The following PHLDB2 variants were observed in gnomAD, a reference collection of about 807,000 sequenced individuals.
The protein encoded by PHLDB2 is pleckstrin homology like domain family B member 2.
Under a neutral mutation model 123.6 loss-of-function variants are expected in PHLDB2, and 71 were observed. That is an observed-to-expected ratio of 0.57 (90% CI 0.47 to 0.70). The LOEUF (loss-of-function observed/expected upper bound fraction) is 0.70. PHLDB2 is among the 30% of genes least tolerant of loss of function. The probability of loss-of-function intolerance (pLI) is 0.00; values close to 1 mark genes in which losing one functional copy is unlikely to be tolerated. For missense variants in PHLDB2, 1,446 were observed against 1,519.5 expected (o/e 0.95, Z 0.80); for synonymous variants, 547 against 541.6 (o/e 1.01, Z -0.14).
chr3:111,845,256 G>C (rs1055923748), intron 1 of PHLDB2, among the ~76,000 whole-genome samples: 1 of 150,858 alleles, frequency 6.6e-6, no homozygotes, highest in African/African-American at 2.4e-5. Flanking sequence ...TCAGGAGGCT[G>C]ACGCAGGAGA....
At chr3:111,955,199 C>A (rs1278446732) in intron 12 of PHLDB2, among the ~76,000 whole-genome samples, 1 of 147,720 alleles carries the variant, frequency 6.8e-6, no homozygotes, top group Non-Finnish European at 1.5e-5. Context: ...TTACTAAAGG[C>A]GATTTAAAAA....
intron 1 of PHLDB2, among the ~76,000 whole-genome samples, chr3:111,758,773 A>C (rs1488993116): frequency 6.6e-6 from 1 of 152,184 alleles, no homozygotes; most frequent in African/African-American, 2.4e-5. Context: ...TTTCAAGTGC[A>C]TCTATTTTGC....
At chr3:111,833,681 T>C (rs2063175296) in intron 1 of PHLDB2, among the ~76,000 whole-genome samples, 1 of 70,912 alleles carries the variant, frequency 1.4e-5, no homozygotes, top group African/African-American at 7.9e-5. Context: ...ATAATATATA[T>C]AATAGAATTA....
upstream of PHLDB2, among the ~76,000 whole-genome samples, chr3:111,857,354 A>G (rs2064557957): frequency 6.6e-6 from 1 of 151,328 alleles, no homozygotes; most frequent in Non-Finnish European, 1.5e-5. Flanking sequence ...AGGAGGCTGA[A>G]GTGGGAGGAT....
chr3:111,857,252 G>T (rs1336207210), upstream of PHLDB2, among the ~76,000 whole-genome samples: 2 of 152,080 alleles, frequency 1.3e-5, no homozygotes, highest in Non-Finnish European at 2.9e-5. Context: ...AGGAGTTCAA[G>T]AACAGTCTGG....
chr3:111,830,758 G>C (rs1405768632), intron 1 of PHLDB2, among the ~76,000 whole-genome samples: 4 of 117,522 alleles, frequency 3.4e-5, no homozygotes, highest in Admixed American at 3.3e-4. Context: ...GCAGTGAGCC[G>C]AGATCCCGCC....
At chr3:111,920,497 G>T (rs2068433382) in intron 5 of PHLDB2, 78 bp downstream of exon 5, 1 of 1,516,666 alleles carries the variant, frequency 6.6e-7, no homozygotes. Flanking sequence ...AATGTTGAAT[G>T]CATTACTGGG....
At chr3:111,753,364 C>T (rs2059819806) in intron 1 of PHLDB2, among the ~76,000 whole-genome samples, 1 of 150,798 alleles carries the variant, frequency 6.6e-6, no homozygotes, top group South Asian at 2.1e-4. Flanking sequence ...GATGGTATCT[C>T]ACTGTGGTTT....
At chr3:111,756,001 G>T (rs145430372) in intron 1 of PHLDB2, among the ~76,000 whole-genome samples, 6,891 of 151,730 alleles carry the variant, frequency 0.045, 533 homozygotes, top group African/African-American at 0.16. Flanking sequence ...GTTTGATTGC[G>T]CTGTGGTCTG....
At chr3:111,880,094 T>G (rs192239129) in intron 1 of PHLDB2, among the ~76,000 whole-genome samples, 6 of 151,798 alleles carry the variant, frequency 4.0e-5, no homozygotes, top group Non-Finnish European at 7.4e-5. Context: ...GACACAGTTT[T>G]CTCCAGCGGA....
At chr3:111,756,275 T>A (rs960126710) in intron 1 of PHLDB2, among the ~76,000 whole-genome samples, 8 of 151,720 alleles carry the variant, frequency 5.3e-5, no homozygotes, top group South Asian at 2.1e-4. Context: ...CCCATTATTA[T>A]TGTGTGGGAG....
At chr3:111,790,023 T>C (rs1031402397) in intron 1 of PHLDB2, among the ~76,000 whole-genome samples, 8 of 152,180 alleles carry the variant, frequency 5.3e-5, no homozygotes, top group Non-Finnish European at 1.2e-4. Flanking sequence ...CATGACTCCA[T>C]GGGCGTGAGG....
At chr3:111,775,928 C>G (rs2060260435) in intron 1 of PHLDB2, among the ~76,000 whole-genome samples, 2 of 152,160 alleles carry the variant, frequency 1.3e-5, no homozygotes, top group Non-Finnish European at 2.9e-5. Flanking sequence ...TGCTATAAAA[C>G]TGGCCCTGAA....
At chr3:111,822,675 T>C (rs151314410) in intron 1 of PHLDB2, among the ~76,000 whole-genome samples, 192 of 152,276 alleles carry the variant, frequency 1.3e-3, no homozygotes, top group African/African-American at 4.4e-3. Flanking sequence ...TTGCAGAAGA[T>C]AAAGCCTGAC....
intron 1 of PHLDB2, among the ~76,000 whole-genome samples, chr3:111,874,056 G>GT (rs2065477137): frequency 1.3e-5 from 2 of 152,198 alleles, no homozygotes; most frequent in Non-Finnish European, 2.9e-5. Flanking sequence ...GAGATAGGAT[G>GT]TTTGTTGGAT....
rs1410660173 is a variant in PHLDB2 at position 111,884,161 on chromosome 3, GAACGA to G, written c.85_89del (p.Asn29PhefsTer20). On this transcript the variant is annotated frameshift_variant, in exon 2 of 18. Coordinates refer to ENST00000431670, the MANE Select transcript of PHLDB2 (RefSeq NM_001134438.2). LOFTEE classifies it high-confidence loss of function. Reference sequence around the variant, plus strand: ...AAGACTCTGTGGTGCATTCTGTTGAGAACGATTCCCAAAACATGATGGAGAGCCTC... The same window carrying G: ...AAGACTCTGTGGTGCATTCTGTTGAGTTCCCAAAACATGATGGAGAGCCTC... 2 of 1,614,174 alleles carry G rather than the reference GAACGA, an allele frequency of 1.2e-6. No homozygotes were observed. Among genetic ancestry groups the G allele is most frequent in the Non-Finnish European group, 1.7e-6 (2 of 1,180,030 alleles).
rs150658661 is a variant in PHLDB2 at position 111,761,121 on chromosome 3, G to T, written c.-49+28418G>T. 4.0e-3 allele frequency among the ~76,000 whole-genome samples: 599 copies of T among 150,504 alleles called. 1 individual carries two copies. Among genetic ancestry groups the T allele is most frequent in the African/African-American group, 0.014 (575 of 40,914 alleles). On this transcript the variant is annotated intron_variant, in intron 1 of 17. Transcript: ENST00000393923. ...AATCACCTGAACCCCGGAGGTGGAGGTTGCAGTGAGCTAAGGTGGCACCAC... is the reference window on the plus strand; with the variant it reads ...AATCACCTGAACCCCGGAGGTGGAGTTTGCAGTGAGCTAAGGTGGCACCAC...
Position 111,975,792 on chromosome 3 carries a change from A to ATTTT in PHLDB2, c.*1229_*1230insTTTT, listed in dbSNP as rs2072464793. The ATTTT allele has an allele frequency of 6.6e-6, 1 of 152,630 alleles. No individual in the cohort carries two copies. The highest frequency in any genetic ancestry group is 6.5e-5 in the Admixed American group (1 of 15,290). The allele number at this position is 152,630 out of a possible 1,614,324, so 9.5% of individuals were successfully genotyped here. A position where few individuals can be genotyped will look rare whatever the true frequency, so the allele number is the denominator to read the frequency against. On this transcript the variant is annotated 3_prime_UTR_variant, in exon 18 of 18. Coordinates refer to ENST00000431670, the MANE Select transcript of PHLDB2 (RefSeq NM_001134438.2). ...GAAAGTATGAATGTGCTCTTTCCTA[A>ATTTT]AACATGGCAAATGAATAGATGTAGA... is the stretch of plus-strand genomic sequence containing the variant.
intron 1 of PHLDB2, among the ~76,000 whole-genome samples, chr3:111,821,891 G>T (rs2062401883): frequency 6.6e-6 from 1 of 152,184 alleles, no homozygotes. Context: ...GTAACCTAGG[G>T]GAGGCCCAGC....
Sources: gnomAD v4.1 joint callset for allele counts (sites outside exome capture counted in the v4.1 genomes callset) on GRCh38, gnomAD v4.1.1 for gene constraint, MANE v1.5 for transcripts, NCBI Gene and HGNC (gene_info 2026-07-23, HGNC 2026-07-21) for gene names.